KLKB1: variants seen among roughly 807,000 people sequenced by gnomAD.
KLKB1 encodes kallikrein B1, also known as plasma kallikrein.
In KLKB1, 58 loss-of-function variants were observed where a neutral mutation model predicts 73.6. The ratio of observed to expected loss-of-function variants is 0.79; its 90% CI spans 0.64 to 0.98. The LOEUF (loss-of-function observed/expected upper bound fraction) is 0.98. Among genes scored for constraint, KLKB1 ranks in the 50% least tolerant of loss-of-function variants. KLKB1 has a pLI of 0.00. For synonymous variants in KLKB1, 280 were observed against 258.1 expected (o/e 1.08, Z -0.81); for missense variants, 737 against 763.8 (o/e 0.96, Z 0.41).
intron 3 of KLKB1, among the ~76,000 whole-genome samples, chr4:186,233,017 C>T (rs1176170524): frequency 1.3e-5 from 2 of 152,114 alleles, no homozygotes; most frequent in African/African-American, 2.4e-5. Flanking sequence ...CAGGTTCAAG[C>T]GATTCTCCTG....
At chr4:186,234,099 G>T (rs767284498) in intron 4 of KLKB1, 41 bp downstream of exon 4, 45 of 1,446,704 alleles carry the variant, frequency 3.1e-5, no homozygotes, top group Non-Finnish European at 4.2e-5. Context: ...GTTAATATTG[G>T]ATCTCGCTTA....
chr4:186,257,884 C>A, intron 14 of KLKB1, 137 bp from the exon 15 acceptor site: 2 of 831,590 alleles, frequency 2.4e-6, no homozygotes, highest in Non-Finnish European at 4.0e-6. Context: ...GTGATGAAAC[C>A]CATCTCTACA....
At chr4:186,257,740 A>AGT (rs1265005754) in intron 14 of KLKB1, among the ~76,000 whole-genome samples, 1 of 119,532 alleles carries the variant, frequency 8.4e-6, no homozygotes, top group Non-Finnish European at 1.7e-5. Flanking sequence ...TTTAAGAAAG[A>AGT]GTGAGTGTGT....
At chr4:186,225,269 T>C (rs1198092539), upstream of KLKB1, among the ~76,000 whole-genome samples, 1 of 152,182 alleles carries the variant, frequency 6.6e-6, no homozygotes, top group Non-Finnish European at 1.5e-5. Context: ...GGTTTTGTAC[T>C]TTCAATACTT....
At chr4:186,244,996 C>A (rs1321559068) in intron 6 of KLKB1, among the ~76,000 whole-genome samples, 1 of 152,014 alleles carries the variant, frequency 6.6e-6, no homozygotes, top group African/African-American at 2.4e-5. Context: ...GTGAAGGAGG[C>A]TTTGAACTGG....
intron 6 of KLKB1, among the ~76,000 whole-genome samples, chr4:186,249,908 A>T (rs771133273): frequency 1.3e-5 from 2 of 152,080 alleles, no homozygotes; most frequent in African/African-American, 2.4e-5. Flanking sequence ...CAACAAAAAA[A>T]CCCTTACATT....
Position 186,245,724 on chromosome 4 carries a change from C to T in KLKB1, c.599-4519C>T, listed in dbSNP as rs147573239. The stretch of plus-strand genomic sequence containing the variant: ...CAGAAATACATTGCTACTTGGCTGC[C>T]TCTATTATTGTACATCTTGAAGGCG... On this transcript the variant is annotated intron_variant, in intron 6 of 14. Coordinates refer to ENST00000264690, the MANE Select transcript of KLKB1 (RefSeq NM_000892.5). Among the ~76,000 whole-genome samples the T allele has an allele frequency of 1.3e-3, 191 of 151,822 alleles. 1 individual carries two copies. The highest frequency in any genetic ancestry group is 4.4e-3 in the African/African-American group (181 of 41,414).
intron 6 of KLKB1, among the ~76,000 whole-genome samples, chr4:186,246,601 A>G (rs928944820): frequency 1.3e-5 from 2 of 152,164 alleles, no homozygotes; most frequent in African/African-American, 4.8e-5. Context: ...GTGTGAGTTG[A>G]AGAGGTTTTA....
intron 6 of KLKB1, among the ~76,000 whole-genome samples, chr4:186,244,630 A>C (rs1053645566): frequency 2.0e-5 from 3 of 149,638 alleles, no homozygotes; most frequent in African/African-American, 7.4e-5. Context: ...TTGTGGAGGG[A>C]GGTATTGAGG....
chr4:186,236,046 G>A (rs888174512), intron 4 of KLKB1, among the ~76,000 whole-genome samples: 9 of 150,904 alleles, frequency 6.0e-5, no homozygotes, highest in African/African-American at 1.5e-4. Flanking sequence ...CCCGGGAGGC[G>A]GAGCTTGCAG....
chr4:186,243,205 G>A (rs1738146455), intron 6 of KLKB1, among the ~76,000 whole-genome samples: 1 of 152,186 alleles, frequency 6.6e-6, no homozygotes, highest in South Asian at 2.1e-4. Context: ...GTAGCAGATG[G>A]AACACTGAGC....
intron 6 of KLKB1, among the ~76,000 whole-genome samples, chr4:186,240,018 CTAG>C (rs1737932463): frequency 6.9e-6 from 1 of 144,894 alleles, no homozygotes; most frequent in Admixed American, 6.8e-5. Context: ...TTATAGGAAA[CTAG>C]TACAGTGATA....
At chr4:186,242,030 G>A (rs1738076818) in intron 6 of KLKB1, among the ~76,000 whole-genome samples, 2 of 152,216 alleles carry the variant, frequency 1.3e-5, no homozygotes, top group Admixed American at 1.3e-4. Flanking sequence ...TCACCTGGGT[G>A]CAGGCAGGCT....
In KLKB1 at chr4:186,258,055, A is replaced by G. The variant is rs758051891; in HGVS notation, c.1760A>G (p.Asn587Ser). 4 of 1,613,972 alleles carry G rather than the reference A, an allele frequency of 2.5e-6. No homozygotes were observed. In the African/African-American group the frequency reaches 5.3e-5, roughly 22 times the overall value. Reference protein sequence around the residue: ...DSGGPLVCKHNGMWRLVGITS... With the variant: ...DSGGPLVCKHSGMWRLVGITS... ...GGTGGTCCCTTAGTTTGCAAACACAATGGAATGTGGCGTTTGGTGGGCATC... is the reference window on the plus strand; with the variant it reads ...GGTGGTCCCTTAGTTTGCAAACACAGTGGAATGTGGCGTTTGGTGGGCATC... Residue 587 changes from asparagine (N) to serine (S), a missense_variant, in exon 15 of 15, where the codon AAT becomes AGT. Coordinates refer to ENST00000264690, the MANE Select transcript of KLKB1 (RefSeq NM_000892.5).
chr4:186,234,519 G>T (rs1446017151), intron 4 of KLKB1, among the ~76,000 whole-genome samples: 1 of 152,180 alleles, frequency 6.6e-6, no homozygotes, highest in Non-Finnish European at 1.5e-5. Flanking sequence ...CATTTACTAA[G>T]TAGAGGCCAG....
At chr4:186,254,947 A>C (rs1456436644) in intron 12 of KLKB1, among the ~76,000 whole-genome samples, 184 bp downstream of exon 12, 1 of 152,186 alleles carries the variant, frequency 6.6e-6, no homozygotes, top group African/African-American at 2.4e-5. Context: ...CTTCTACTTA[A>C]AGAGCAAGAC....
chr4:186,245,202 T>C (rs577889418), intron 6 of KLKB1, among the ~76,000 whole-genome samples: 88 of 152,264 alleles, frequency 5.8e-4, no homozygotes, highest in African/African-American at 1.8e-3. Context: ...GGTCAATACC[T>C]ACAACAGTTA....
In KLKB1 at chr4:186,228,176, G is replaced by A. The variant is rs775552128; in HGVS notation, c.-1-19G>A. 7.3e-7 allele frequency: 1 copy of A among 1,367,090 alleles called. No homozygotes were observed. 84.7% of individuals were successfully genotyped at this position (1,367,090 alleles called of 1,614,324 possible). A position where few individuals can be genotyped will look rare whatever the true frequency, so the allele number is the denominator to read the frequency against. On this transcript the variant is annotated intron_variant, in intron 1 of 14. Transcript: ENST00000264690. ...TGTGGTCTAAAACCAGCAGAGTTAT[G>A]TATTGTTTTCTTTTTTAGAATGATT...
intron 2 of KLKB1, among the ~76,000 whole-genome samples, chr4:186,220,409 T>TC (rs1364736913): frequency 6.6e-6 from 1 of 152,178 alleles, no homozygotes; most frequent in African/African-American, 2.4e-5. Flanking sequence ...GTACATTAGA[T>TC]CCTCCAACTT....
Sources: allele counts gnomAD v4.1 joint callset (sites outside exome capture counted in the v4.1 genomes callset), GRCh38; gene constraint gnomAD v4.1.1; transcripts MANE v1.5; gene names NCBI Gene and HGNC (gene_info 2026-07-23, HGNC 2026-07-21).